The following FOLH1 variants were observed in gnomAD, a reference collection of about 807,000 sequenced individuals.
FOLH1 encodes the protein folate hydrolase 1.
A neutral mutation model predicts 93.9 loss-of-function variants in FOLH1; 54 were observed. That is an observed-to-expected ratio of 0.57 (90% CI 0.46 to 0.72). The LOEUF is 0.72. Among genes scored for constraint, FOLH1 ranks in the 30% least tolerant of loss-of-function variants. FOLH1 has a pLI of 0.00. For synonymous variants in FOLH1, 249 were observed against 303.6 expected (o/e 0.82, Z 1.87); for missense variants, 571 against 892.5 (o/e 0.64, Z 4.59).
intron 1 of FOLH1, chr11:49,206,439 T>C (rs1398447319): frequency 1.5e-6 from 1 of 665,682 alleles, no homozygotes; most frequent in Non-Finnish European, 2.5e-6. Context: ...AAATGTTTTA[T>C]GAGATAATCA....
chr11:49,204,121 G>T (rs1193477678), intron 2 of FOLH1, among the ~76,000 whole-genome samples: 1 of 152,180 alleles, frequency 6.6e-6, no homozygotes, highest in Non-Finnish European at 1.5e-5. Context: ...CTTTTCCCAA[G>T]GGTTAGGAGG....
intron 9 of FOLH1, among the ~76,000 whole-genome samples, chr11:49,174,235 C>T (rs1193472421): frequency 6.6e-6 from 1 of 152,126 alleles, no homozygotes; most frequent in Non-Finnish European, 1.5e-5. Flanking sequence ...TATTCTTGAT[C>T]TAAAATAAAT....
At chr11:49,160,644 G>A (rs1343814718) in intron 13 of FOLH1, among the ~76,000 whole-genome samples, 1 of 151,964 alleles carries the variant, frequency 6.6e-6, no homozygotes, top group Non-Finnish European at 1.5e-5. Flanking sequence ...GGGTTTCACT[G>A]TGTTTGCCAG....
chr11:49,174,401 A>T (rs1475432616), intron 9 of FOLH1, among the ~76,000 whole-genome samples: 2 of 152,160 alleles, frequency 1.3e-5, no homozygotes, highest in African/African-American at 4.8e-5. Context: ...AGATCATCTG[A>T]ACTTCTATGG....
At chr11:49,173,080 C>A (rs1859552507) in intron 10 of FOLH1, among the ~76,000 whole-genome samples, 1 of 152,066 alleles carries the variant, frequency 6.6e-6, no homozygotes, top group Non-Finnish European at 1.5e-5. Context: ...GTGATGTAAC[C>A]CATCTTCATC....
At chr11:49,205,060 A>G (rs1863738487) in intron 2 of FOLH1, among the ~76,000 whole-genome samples, 1 of 151,948 alleles carries the variant, frequency 6.6e-6, no homozygotes, top group East Asian at 1.9e-4. Flanking sequence ...AAAATACAAA[A>G]TTAGCTGGGT....
intron 1 of FOLH1, chr11:49,207,936 A>G: frequency 2.1e-6 from 1 of 487,784 alleles, no homozygotes; most frequent in Non-Finnish European, 4.0e-6. Flanking sequence ...GAGAGGTAAA[A>G]AAACAAACAA....
At position 49,156,367 on chromosome 11, in the gene FOLH1, T is replaced by C. The variant is rs140732772; in HGVS notation, c.1623+350A>G. On this transcript the variant is annotated intron_variant, in intron 15 of 18. Coordinates refer to ENST00000256999, the MANE Select transcript of FOLH1 (RefSeq NM_004476.3). ...TTGAATGATAATGGGGAGATACTAA[T>C]TTTGAATAAGGAGGAGGGTGAAATC... 5.2e-3 allele frequency among the ~76,000 whole-genome samples: 796 copies of C among 152,266 alleles called. 5 individuals carry two copies. The highest frequency in any genetic ancestry group is 8.8e-3 in the Non-Finnish European group (601 of 68,002).
At chr11:49,188,743 A>C (rs1231414347) in intron 4 of FOLH1, among the ~76,000 whole-genome samples, 3 of 152,176 alleles carry the variant, frequency 2.0e-5, no homozygotes, top group African/African-American at 7.2e-5. Context: ...CAACAGTTCA[A>C]TTTACATTTC....
rs143409791 is a variant in FOLH1, at chr11:49,166,679, C to A, written c.1373-1907G>T. Among the ~76,000 whole-genome samples, 891 of 152,162 alleles carry A rather than the reference C, an allele frequency of 5.9e-3. 10 individuals are homozygous for A. Among genetic ancestry groups the A allele is most frequent in the African/African-American group, 0.021 (852 of 41,484 alleles). On this transcript the variant is annotated intron_variant, in intron 12 of 18. Transcript: ENST00000256999. ...ATTTTAACATTAGAAATTTCAGAAT[C>A]TATGATTATTTGTATTATTTGAGAA...
chr11:49,202,096 T>G, intron 2 of FOLH1, among the ~76,000 whole-genome samples: 1 of 152,198 alleles, frequency 6.6e-6, no homozygotes. Flanking sequence ...GTGTTGTCAT[T>G]AACTCAGTAT....
intron 6 of FOLH1, 171 bp downstream of exon 6, chr11:49,185,498 T>C: frequency 1.2e-6 from 1 of 848,970 alleles, no homozygotes; most frequent in South Asian, 2.0e-5. Context: ...AGTTTCAAAA[T>C]AAGGGGGTAA....
chr11:49,170,544 T>C (rs1859136000), intron 11 of FOLH1, among the ~76,000 whole-genome samples: 1 of 152,100 alleles, frequency 6.6e-6, no homozygotes, highest in African/African-American at 2.4e-5. Flanking sequence ...GAACCCGGGA[T>C]GCTGACGCTT....
chr11:49,149,996 C>T (rs938278498), intron 17 of FOLH1, among the ~76,000 whole-genome samples: 2 of 152,106 alleles, frequency 1.3e-5, no homozygotes, highest in African/African-American at 4.8e-5. Context: ...TGCTCTGTTG[C>T]GCAGGCTGGA....
intron 13 of FOLH1, among the ~76,000 whole-genome samples, 161 bp from the exon 14 acceptor site, chr11:49,158,204 T>C (rs536340083): frequency 5.7e-4 from 87 of 152,176 alleles, no homozygotes; most frequent in South Asian, 1.0e-3. Context: ...TTCTGACAAG[T>C]GGGAAAATAC....
chr11:49,156,675 A>G, intron 15 of FOLH1, 42 bp downstream of exon 15: 1 of 1,611,342 alleles, frequency 6.2e-7, no homozygotes, highest in South Asian at 1.1e-5. Flanking sequence ...TTTAGTTAAA[A>G]CATATTCATA....
chr11:49,205,903 T>G (rs1166661887), intron 2 of FOLH1, among the ~76,000 whole-genome samples, 164 bp downstream of exon 2: 2 of 152,180 alleles, frequency 1.3e-5, no homozygotes, highest in African/African-American at 2.4e-5. Flanking sequence ...ATGACAAAAT[T>G]TAGCTGAAAG....
intron 1 of FOLH1, chr11:49,206,954 C>T: frequency 1.6e-6 from 1 of 610,790 alleles, no homozygotes; most frequent in Non-Finnish European, 2.9e-6. Context: ...CAAAATTAGT[C>T]CCCAACCAGC....
At position 49,156,733 on chromosome 11, in the gene FOLH1, C is replaced by T. The variant is rs758208664; in HGVS notation, c.1607G>A (p.Arg536Gln). The T allele has an allele frequency of 3.1e-6, 5 of 1,612,518 alleles. No individual in the cohort carries two copies. The highest frequency in any genetic ancestry group is 3.4e-6 in the Non-Finnish European group (4 of 1,179,006). Reference protein sequence around the residue: ...QRLGIASGRARYTKNWETNKF... With the variant: ...QRLGIASGRAQYTKNWETNKF... ...TTCACTTACCCAATTTTTAGTATACCGTGCTCTGCCTGAAGCAATTCCAAG... is the reference window on the plus strand; with the variant it reads ...TTCACTTACCCAATTTTTAGTATACTGTGCTCTGCCTGAAGCAATTCCAAG... The change falls in exon 15 of 19, where the codon CGG (arginine) becomes CAG (glutamine). Residue 536 changes from arginine (R) to glutamine (Q), a missense_variant. Coordinates refer to ENST00000256999, the MANE Select transcript of FOLH1 (RefSeq NM_004476.3).
Sources: gnomAD v4.1 joint callset for allele counts (sites outside exome capture counted in the v4.1 genomes callset) on GRCh38, gnomAD v4.1.1 for gene constraint, MANE v1.5 for transcripts, NCBI Gene and HGNC (gene_info 2026-07-23, HGNC 2026-07-21) for gene names.